The following COP1 variants were observed in gnomAD, a reference collection of about 807,000 sequenced individuals.
COP1 encodes COP1 E3 ubiquitin ligase.
Under a neutral mutation model 101.3 loss-of-function variants are expected in COP1, and 24 were observed. The ratio of observed to expected loss-of-function variants is 0.24; its 90% confidence interval spans 0.17 to 0.33. The LOEUF (loss-of-function observed/expected upper bound fraction) is 0.33, where lower values mean the gene tolerates loss of function less well. Among genes scored for constraint, COP1 ranks in the 10% least tolerant of loss-of-function variants. The pLI is 1.00. For missense variants in COP1, 663 were observed against 906.2 expected (o/e 0.73, Z 3.45); for synonymous variants, 347 against 341.9 (o/e 1.01, Z -0.17).
intron 3 of COP1, among the ~76,000 whole-genome samples, chr1:176,173,324 G>GAAAAAAAA (rs11396126): frequency 2.1e-5 from 2 of 93,704 alleles, no homozygotes; most frequent in Admixed American, 1.3e-4. Context: ...AAAACAAAAT[G>GAAAAAAAA]AAAAAAAAAA....
rs181520908 is a variant in COP1, at chr1:176,025,120, A to G, written c.1729+2452T>C. 2.6e-3 allele frequency among the ~76,000 whole-genome samples: 400 copies of G among 152,326 alleles called. 3 individuals are homozygous for G. The highest frequency in any genetic ancestry group is 9.2e-3 in the African/African-American group (382 of 41,586). ...GGTGCTAAAAGGTACTTGATAAAAT[A>G]CTGTTTTGCTTCTAATTAAGAAACA... On this transcript the variant is annotated intron_variant, in intron 15 of 19. Coordinates refer to ENST00000367669, the MANE Select transcript of COP1 (RefSeq NM_022457.7).
At chr1:176,130,952 T>C (rs1688780354) in intron 8 of COP1, among the ~76,000 whole-genome samples, 1 of 151,756 alleles carries the variant, frequency 6.6e-6, no homozygotes, top group Non-Finnish European at 1.5e-5. Context: ...TTTAGGGAAA[T>C]GGCATCTGAA....
At chr1:176,103,692 C>T (rs1218256341) in intron 9 of COP1, among the ~76,000 whole-genome samples, 2 of 152,128 alleles carry the variant, frequency 1.3e-5, no homozygotes, top group Non-Finnish European at 2.9e-5. Flanking sequence ...TTTCTTATAA[C>T]TGCATGTAAA....
At chr1:175,949,191 AAT>A (rs1553274018) in intron 18 of COP1, among the ~76,000 whole-genome samples, 7 of 146,724 alleles carry the variant, frequency 4.8e-5, no homozygotes, top group African/African-American at 1.7e-4. Flanking sequence ...AAAAAAAAAA[AAT>A]GAACATGGGT....
chr1:175,967,560 G>A (rs1652289806), intron 18 of COP1, among the ~76,000 whole-genome samples: 1 of 152,132 alleles, frequency 6.6e-6, no homozygotes, highest in East Asian at 1.9e-4. Context: ...GAAGTTAGGG[G>A]AGGTAGGTGG....
At chr1:175,948,024 T>G (rs1283744573) in intron 18 of COP1, among the ~76,000 whole-genome samples, 1 of 152,228 alleles carries the variant, frequency 6.6e-6, no homozygotes, top group African/African-American at 2.4e-5. Context: ...CAAGAAAATG[T>G]GAATATTCAT....
intron 9 of COP1, among the ~76,000 whole-genome samples, chr1:176,098,112 C>G (rs1422441374): frequency 6.6e-6 from 1 of 152,130 alleles, no homozygotes; most frequent in South Asian, 2.1e-4. Context: ...AGGTTATAAC[C>G]TGCCTTTTTT....
chr1:176,171,366 C>A (rs1696033532), intron 3 of COP1, among the ~76,000 whole-genome samples: 1 of 152,176 alleles, frequency 6.6e-6, no homozygotes, highest in Admixed American at 6.5e-5. Context: ...CCTCACCTCT[C>A]TGAGCCTTCA....
intron 2 of COP1, among the ~76,000 whole-genome samples, chr1:176,180,243 G>T (rs1485612401): frequency 6.6e-6 from 1 of 152,160 alleles, no homozygotes; most frequent in Non-Finnish European, 1.5e-5. Flanking sequence ...AATGTTGAAT[G>T]CATGAATGAG....
At chr1:176,020,903 T>C (rs887396837) in intron 15 of COP1, among the ~76,000 whole-genome samples, 3 of 152,222 alleles carry the variant, frequency 2.0e-5, no homozygotes, top group Admixed American at 6.5e-5. Flanking sequence ...AGTTATAAAA[T>C]ACTAAATAAG....
chr1:175,993,299 C>A (rs1206984003), intron 15 of COP1, among the ~76,000 whole-genome samples: 1 of 152,164 alleles, frequency 6.6e-6, no homozygotes, highest in East Asian at 1.9e-4. Flanking sequence ...GGGGAAAAAA[C>A]AAAGCAGAAA....
intron 5 of COP1, among the ~76,000 whole-genome samples, chr1:176,151,377 G>GAAAAATAAAGAAAGAAAAAGA (rs1384242123): frequency 2.7e-5 from 3 of 109,802 alleles, no homozygotes; most frequent in African/African-American, 8.2e-5. Flanking sequence ...AAGAAAGAAA[G>GAAAAATAAAGAAAGAAAAAGA]AAAGAAAGAA....
chr1:175,953,478 C>T (rs2148498561), intron 18 of COP1, among the ~76,000 whole-genome samples: 1 of 152,070 alleles, frequency 6.6e-6, no homozygotes, highest in East Asian at 1.9e-4. Flanking sequence ...ACACTTTAGG[C>T]TGGGCGCGGT....
At chr1:176,095,101 TA>T (rs1682087858) in intron 9 of COP1, among the ~76,000 whole-genome samples, 1 of 152,216 alleles carries the variant, frequency 6.6e-6, no homozygotes, top group African/African-American at 2.4e-5. Context: ...TTTCTCAAAC[TA>T]ATTTCATAAA....
At chr1:175,993,429 G>C (rs1456972764) in intron 15 of COP1, among the ~76,000 whole-genome samples, 1 of 152,202 alleles carries the variant, frequency 6.6e-6, no homozygotes, top group South Asian at 2.1e-4. Flanking sequence ...GAAGGTTTCA[G>C]ATGATCAAAC....
intron 18 of COP1, chr1:175,968,459 A>G (rs1652544050): frequency 7.7e-6 from 4 of 519,062 alleles, no homozygotes; most frequent in Non-Finnish European, 1.2e-5. Flanking sequence ...AGACCTCCAT[A>G]TATTTATGTA....
At chr1:176,158,106 A>C (rs1350663876) in intron 5 of COP1, among the ~76,000 whole-genome samples, 1 of 152,018 alleles carries the variant, frequency 6.6e-6, no homozygotes. Flanking sequence ...GAAAAAAAAA[A>C]CCTCTACTGC....
At chr1:176,049,704 G>A (rs1261959275) in intron 11 of COP1, among the ~76,000 whole-genome samples, 7 of 151,946 alleles carry the variant, frequency 4.6e-5, no homozygotes, top group African/African-American at 1.7e-4. Flanking sequence ...TCTCAAACAT[G>A]AACATAATGA....
chr1:176,087,496 A>G (rs1038382817), intron 9 of COP1, among the ~76,000 whole-genome samples: 1 of 152,256 alleles, frequency 6.6e-6, no homozygotes, highest in Non-Finnish European at 1.5e-5. Context: ...CAACAGACAC[A>G]TGAAAAAGTG....
Sources: gnomAD v4.1 joint callset for allele counts (sites outside exome capture counted in the v4.1 genomes callset) on GRCh38, gnomAD v4.1.1 for gene constraint, MANE v1.5 for transcripts, NCBI Gene and HGNC (gene_info 2026-07-23, HGNC 2026-07-21) for gene names.